Variants in SMARCB1 observed in about 807,000 individuals in gnomAD.
SMARCB1 encodes the protein SWI/SNF related BAF chromatin remodeling complex subunit B1, also known as SWI/SNF-related matrix-associated actin-dependent regulator of chromatin subfamily B member 1.
Under a neutral mutation model 49.0 loss-of-function variants are expected in SMARCB1, and 5 were observed. The ratio of observed to expected loss-of-function variants is 0.10; its 90% CI spans 0.05 to 0.21. The LOEUF is 0.21. Among genes scored for constraint, SMARCB1 ranks in the 10% least tolerant of loss-of-function variants. SMARCB1 has a pLI of 1.00. For missense variants in SMARCB1, 226 were observed against 509.2 expected (o/e 0.44, Z 5.35); for synonymous variants, 201 against 200.1 (o/e 1.00, Z -0.04).
At chr22:23,796,857 G>C (rs1030118370) in intron 3 of SMARCB1, among the ~76,000 whole-genome samples, 2 of 152,142 alleles carry the variant, frequency 1.3e-5, no homozygotes, top group Non-Finnish European at 2.9e-5. Context: ...GAGGGAAGTG[G>C]CTTTGGCTGG....
intron 5 of SMARCB1, among the ~76,000 whole-genome samples, chr22:23,809,691 A>T (rs536803892): frequency 1.3e-5 from 2 of 150,032 alleles, no homozygotes; most frequent in Non-Finnish European, 3.0e-5. Context: ...GATTATAGGC[A>T]TGAGCCACCG....
intron 6 of SMARCB1, chr22:23,823,335 C>T: frequency 6.6e-6 from 1 of 152,230 alleles, no homozygotes; most frequent in East Asian, 1.9e-4. Context: ...GCTGCACGTT[C>T]TTTTTGGACC....
At chr22:23,803,267 C>T in intron 4 of SMARCB1, 28 bp from the exon 5 acceptor site, 1 of 1,614,070 alleles carries the variant, frequency 6.2e-7, no homozygotes. Flanking sequence ...GGCCCCCTCG[C>T]TGACTGTTGC....
chr22:23,795,291 A>C (rs748150855), intron 3 of SMARCB1, among the ~76,000 whole-genome samples: 52 of 152,226 alleles, frequency 3.4e-4, no homozygotes, highest in Non-Finnish European at 5.4e-4. Flanking sequence ...TAAAAAAATT[A>C]GCTGAGTGTG....
At chr22:23,807,295 T>C (rs1270876349) in intron 5 of SMARCB1, among the ~76,000 whole-genome samples, 3 of 152,150 alleles carry the variant, frequency 2.0e-5, no homozygotes, top group African/African-American at 7.2e-5. Context: ...ACATGCTTGT[T>C]TTGGGCTCTA....
chr22:23,806,682 G>T (rs1929516440), intron 5 of SMARCB1, among the ~76,000 whole-genome samples: 1 of 152,168 alleles, frequency 6.6e-6, no homozygotes, highest in Admixed American at 6.5e-5. Context: ...AGCACTTTGG[G>T]AGGGTGAGGT....
chr22:23,813,226 C>T (rs1929986212), intron 5 of SMARCB1, among the ~76,000 whole-genome samples: 1 of 152,172 alleles, frequency 6.6e-6, no homozygotes, highest in Non-Finnish European at 1.5e-5. Flanking sequence ...CAGGAACAAG[C>T]CAAATATGTC....
At chr22:23,809,586 A>G (rs1044922733) in intron 5 of SMARCB1, among the ~76,000 whole-genome samples, 8 of 151,496 alleles carry the variant, frequency 5.3e-5, no homozygotes, top group Non-Finnish European at 7.4e-5. Flanking sequence ...AATTTTTTGT[A>G]TTTTTTAGTA....
chr22:23,836,960 T>C lies in SMARCB1; in HGVS notation c.*2780T>C, dbSNP rs758975255. The C allele has an allele frequency of 8.1e-6, 13 of 1,598,688 alleles. No individual in the cohort carries two copies. In the Admixed American group the frequency reaches 1.1e-4, roughly 13 times the overall value. On this transcript the variant is annotated 3_prime_UTR_variant, in exon 9 of 9. Transcript: ENST00000644036. ...TTCTGCAGGGGCATCCAGGAGCAGC[T>C]TTCTGTGGGGAGGGGCCCGTGTTGA... is the stretch of plus-strand genomic sequence containing the variant.
intron 5 of SMARCB1, among the ~76,000 whole-genome samples, chr22:23,808,162 C>G (rs1267556572): frequency 6.9e-6 from 1 of 143,938 alleles, no homozygotes; most frequent in African/African-American, 2.6e-5. Context: ...TCTCTGTCGC[C>G]CACTCTGGAG....
rs148001527 is a variant in SMARCB1, at chr22:23,837,769, C to A, written c.*3589C>A. 2.9e-4 allele frequency: 475 copies of A among 1,613,986 alleles called. 8 individuals carry two copies. In the East Asian group the frequency reaches 0.01, roughly 34 times the overall value. On this transcript the variant is annotated 3_prime_UTR_variant, in exon 9 of 9. Transcript: ENST00000644036. ...CAGGCCGAAGAAGTTGACCCTCACC[C>A]GAGGGCTGCGGCGGCTCCACACGTA... is the stretch of plus-strand genomic sequence containing the variant.
rs185465037 is a variant in SMARCB1, at chr22:23,825,573, A to G, written c.986+158A>G. 3.1e-3 allele frequency: 2,009 copies of G among 656,430 alleles called. 19 individuals are homozygous for G. The highest frequency in any genetic ancestry group is 3.2e-3 in the Non-Finnish European group (1,211 of 376,710). The allele number at this position is 656,430 out of a possible 1,614,324, so 40.7% of individuals were successfully genotyped here. A position where few individuals can be genotyped will look rare whatever the true frequency, so the allele number is the denominator to read the frequency against. The stretch of plus-strand genomic sequence containing the variant: ...GTTTGCTCCGTCCTCCTCCTGCCCT[A>G]TGTATCTCTCCAGGGCTCCGCTGTG... On this transcript the variant is annotated intron_variant, in intron 7 of 8. Transcript: ENST00000644036.
Position 23,803,336 on chromosome 22 carries a change from C to A in SMARCB1, c.542C>A (p.Ser181Tyr). ...CCAGCTGTGATCCATGAGAACGCATCTCAGCCCGAGGTGCTGGTCCCCATC... is the reference window on the plus strand; with the variant it reads ...CCAGCTGTGATCCATGAGAACGCATATCAGCCCGAGGTGCTGGTCCCCATC... ...HDPAVIHENA[S>Y]QPEVLVPIRL... The change falls in exon 5 of 9, where the codon TCT (serine) becomes TAT (tyrosine). Residue 181 changes from serine (S) to tyrosine (Y), a missense_variant. Ser to Tyr is a moderately radical substitution (Grantham distance 144). Around this residue, in one of 6 missense-constraint regions of SMARCB1, gnomAD observed 128 missense variants for 263.9 expected, o/e 0.49. Coordinates refer to ENST00000644036, the MANE Select transcript of SMARCB1 (RefSeq NM_003073.5). The A allele has an allele frequency of 6.2e-7, 1 of 1,614,204 alleles. No individual in the cohort carries two copies. Among genetic ancestry groups the A allele is most frequent in the Non-Finnish European group, 8.5e-7 (1 of 1,180,028 alleles).
At chr22:23,825,580 T>G in intron 7 of SMARCB1, 165 bp downstream of exon 7, 1 of 629,662 alleles carries the variant, frequency 1.6e-6, no homozygotes, top group East Asian at 2.7e-5. Context: ...CCTATGTATC[T>G]CTCCAGGGCT....
rs143346465 is a variant in SMARCB1, at chr22:23,816,721, C to T, written c.629-49C>T. 1.9e-6 allele frequency: 3 copies of T among 1,569,136 alleles called. No homozygotes were observed. The South Asian group carries it at 3.3e-5, about 17-fold the overall frequency. The stretch of plus-strand genomic sequence containing the variant: ...AAGGGGTGAGGGAGGCCGGTCCATG[C>T]CCAAGCATGGTGCAATCTCTTGGCA... On this transcript the variant is annotated intron_variant, in intron 5 of 8. Transcript: ENST00000644036.
intron 6 of SMARCB1, among the ~76,000 whole-genome samples, chr22:23,820,640 G>A (rs2030036565): frequency 6.6e-6 from 1 of 152,174 alleles, no homozygotes; most frequent in African/African-American, 2.4e-5. Flanking sequence ...TCTTTGTCAG[G>A]AAGATTTTAT....
intron 3 of SMARCB1, among the ~76,000 whole-genome samples, chr22:23,797,119 C>G (rs890953456): frequency 6.7e-6 from 1 of 148,746 alleles, no homozygotes; most frequent in Admixed American, 6.7e-5. Flanking sequence ...CTGCCTCAGC[C>G]TCCCGAGTAG....
rs35502837 is a variant in SMARCB1 at position 23,801,386 on chromosome 22, C to A, written c.500+305C>A. 0.025 allele frequency: 17,016 copies of A among 667,950 alleles called. 288 individuals are homozygous for A. Among genetic ancestry groups the A allele is most frequent in the Middle Eastern group, 0.036 (149 of 4,194 alleles). 41.4% of individuals were successfully genotyped at this position (667,950 alleles called of 1,614,324 possible). On this transcript the variant is annotated intron_variant, in intron 4 of 8. Transcript: ENST00000644036. The stretch of plus-strand genomic sequence containing the variant: ...CCCTCAGTTTCACATGAGTGGGCCA[C>A]AGCCAGTCTGATGGTGCAGATGCCA...
At chr22:23,811,044 A>G (rs1002290852) in intron 5 of SMARCB1, among the ~76,000 whole-genome samples, 1 of 151,826 alleles carries the variant, frequency 6.6e-6, no homozygotes, top group Non-Finnish European at 1.5e-5. Context: ...CTCAAAAAAA[A>G]AAAAAAAAAA....
Sources: allele counts gnomAD v4.1 joint callset (sites outside exome capture counted in the v4.1 genomes callset), GRCh38; gene constraint gnomAD v4.1.1; regional missense constraint gnomAD v4.1.1; transcripts MANE v1.5; gene names NCBI Gene and HGNC (gene_info 2026-07-23, HGNC 2026-07-21).